Variants in KATNAL2 observed in about 807,000 individuals in gnomAD.
The protein encoded by KATNAL2 is katanin p60 ATPase-containing subunit A-like 2.
In KATNAL2, 52 loss-of-function variants were observed where a neutral mutation model predicts 76.3. The ratio of observed to expected loss-of-function variants is 0.68; its 90% CI spans 0.55 to 0.86. The LOEUF is 0.86. Ranked by LOEUF, KATNAL2 falls within the 40% of genes least tolerant of loss-of-function variation. KATNAL2 has a pLI of 0.00. For missense variants in KATNAL2, 660 were observed against 668.9 expected, an observed-to-expected ratio of 0.99 and a Z score of 0.15; for synonymous variants, 243 against 244.2, an observed-to-expected ratio of 1.00 and a Z score of 0.05.
chr18:47,032,801 G>C (rs2060536392), intron 3 of KATNAL2: 1 of 893,442 alleles, frequency 1.1e-6, no homozygotes, highest in Non-Finnish European at 1.7e-6. Context: ...GAATTCTGAG[G>C]TGTTCTCCAA....
chr18:47,093,781 A>G lies in KATNAL2; in HGVS notation c.1212-5462A>G, dbSNP rs1339687660. 2.0e-5 allele frequency among the ~76,000 whole-genome samples: 3 copies of G among 152,176 alleles called. No homozygotes were observed. The East Asian group carries it at 5.8e-4, about 29-fold the overall frequency. On this transcript the variant is annotated intron_variant, in intron 15 of 17. Transcript: ENST00000683218. ...CTACCTTGGCCTCCTAATGCACTGAATTACAGGCATAGGCCACCATGCCTG... is the reference window on the plus strand; with the variant it reads ...CTACCTTGGCCTCCTAATGCACTGAGTTACAGGCATAGGCCACCATGCCTG...
chr18:47,058,300 C>A lies in KATNAL2; in HGVS notation c.398C>A (p.Thr133Lys), dbSNP rs959755382. 6.2e-7 allele frequency: 1 copy of A among 1,614,070 alleles called. No homozygotes were observed. The highest frequency in any genetic ancestry group is 8.5e-7 in the Non-Finnish European group (1 of 1,179,926). Reference sequence around the variant, plus strand: ...CAGCAGAGGCCCCGGTCCAAAACCACAGCGGGGAAGACAGGGGACACCAAA... The same window carrying A: ...CAGCAGAGGCCCCGGTCCAAAACCAAAGCGGGGAAGACAGGGGACACCAAA... ...INQQRPRSKT[T>K]AGKTGDTKSL... The change falls in exon 7 of 18, where the codon ACA (threonine) becomes AAA (lysine). Residue 133 changes from threonine to lysine, a missense_variant. Transcript: ENST00000683218.
At chr18:47,053,292 C>T (rs1458517040) in intron 5 of KATNAL2, among the ~76,000 whole-genome samples, 1 of 152,190 alleles carries the variant, frequency 6.6e-6, no homozygotes, top group East Asian at 1.9e-4. Flanking sequence ...AGCAAAACCC[C>T]AGTGTATCAT....
intron 4 of KATNAL2, among the ~76,000 whole-genome samples, chr18:47,048,964 A>G (rs1424326831): frequency 6.7e-6 from 1 of 149,398 alleles, no homozygotes; most frequent in Non-Finnish European, 1.5e-5. Context: ...CCTCCCGAGT[A>G]GCTGGGACTA....
chr18:46,921,160 C>T (rs1010239099), intron 1 of KATNAL2, among the ~76,000 whole-genome samples: 5 of 152,172 alleles, frequency 3.3e-5, no homozygotes, highest in African/African-American at 1.2e-4. Flanking sequence ...CGGAGTCTCG[C>T]TCTGTTGCCC....
rs577273079 is a variant in KATNAL2, at chr18:46,948,864, A to C, written c.51+1941A>C. ...GATCAACTGATTACTTGACATATCTACTGGGGTGTTGCAAGTATCTGCATT... is the reference window on the plus strand; with the variant it reads ...GATCAACTGATTACTTGACATATCTCCTGGGGTGTTGCAAGTATCTGCATT... On this transcript the variant is annotated intron_variant, in intron 3 of 17. Coordinates refer to ENST00000683218, the MANE Select transcript of KATNAL2 (RefSeq NM_001387690.1). Among the ~76,000 whole-genome samples, 13 of 150,826 alleles carry C rather than the reference A, an allele frequency of 8.6e-5. No individual in the cohort carries two copies. In the South Asian group the frequency reaches 2.5e-3, roughly 29 times the overall value.
intron 1 of KATNAL2, among the ~76,000 whole-genome samples, chr18:46,945,009 T>C (rs1019607664): frequency 6.6e-6 from 1 of 152,164 alleles, no homozygotes; most frequent in African/African-American, 2.4e-5. Context: ...CACATAAGGA[T>C]CCCCAACTTT....
intron 13 of KATNAL2, among the ~76,000 whole-genome samples, chr18:47,070,704 T>C (rs1046246157): frequency 6.6e-6 from 1 of 152,238 alleles, no homozygotes; most frequent in African/African-American, 2.4e-5. Flanking sequence ...GATGGCCTAT[T>C]TGGAAGTCAT....
intron 14 of KATNAL2, 104 bp downstream of exon 14, chr18:47,075,472 T>C: frequency 1.3e-6 from 1 of 787,254 alleles, no homozygotes; most frequent in South Asian, 4.5e-5. Flanking sequence ...ACTAGCAGAA[T>C]GAGCCCATTA....
At chr18:47,095,086 C>A (rs1254079913) in intron 15 of KATNAL2, among the ~76,000 whole-genome samples, 2 of 152,132 alleles carry the variant, frequency 1.3e-5, no homozygotes, top group Non-Finnish European at 2.9e-5. Flanking sequence ...TACTAAGTTT[C>A]TTTTACTCAT....
intron 3 of KATNAL2, chr18:47,034,148 C>T (rs760844696): frequency 4.3e-6 from 7 of 1,614,206 alleles, no homozygotes; most frequent in Non-Finnish European, 5.9e-6. Context: ...AATTCCTCAG[C>T]CATATCTACC....
intron 6 of KATNAL2, among the ~76,000 whole-genome samples, chr18:47,057,837 G>A (rs1244188816): frequency 1.3e-5 from 2 of 152,182 alleles, no homozygotes; most frequent in African/African-American, 2.4e-5. Context: ...TAGTTTGAAT[G>A]GGAGGACTCC....
chr18:46,918,088 G>C (rs1279949170), intron 1 of KATNAL2, 162 bp downstream of exon 1: 1 of 152,012 alleles, frequency 6.6e-6, no homozygotes, highest in Non-Finnish European at 1.5e-5. Flanking sequence ...TGGGGGCGGG[G>C]AGAAGTGAAA....
intron 2 of KATNAL2, 119 bp from the exon 3 acceptor site, chr18:46,946,735 A>T: frequency 8.9e-7 from 1 of 1,129,156 alleles, no homozygotes; most frequent in South Asian, 1.4e-5. Flanking sequence ...TTCTGTGGCC[A>T]GCGATTGGCG....
intron 3 of KATNAL2, among the ~76,000 whole-genome samples, chr18:46,949,411 C>T (rs1246977450): frequency 1.3e-5 from 2 of 152,138 alleles, no homozygotes; most frequent in Non-Finnish European, 1.5e-5. Context: ...TACCATCACA[C>T]GTGGTTAAAT....
intron 15 of KATNAL2, among the ~76,000 whole-genome samples, chr18:47,082,603 T>C (rs2062581528): frequency 6.6e-6 from 1 of 152,226 alleles, no homozygotes; most frequent in Non-Finnish European, 1.5e-5. Flanking sequence ...CAAATAAGTA[T>C]ATAAAGTTCT....
At chr18:47,061,370 G>A (rs1274085474) in intron 8 of KATNAL2, among the ~76,000 whole-genome samples, 1 of 152,166 alleles carries the variant, frequency 6.6e-6, no homozygotes, top group African/African-American at 2.4e-5. Context: ...AACAAGAAGG[G>A]AGGGAGATGA....
chr18:47,031,877 C>T (rs1438209351), intron 3 of KATNAL2, among the ~76,000 whole-genome samples: 1 of 152,134 alleles, frequency 6.6e-6, no homozygotes, highest in Non-Finnish European at 1.5e-5. Context: ...TGTCTCCATC[C>T]TGGCTTTTTT....
chr18:47,062,805 A>G (rs2061676254), intron 8 of KATNAL2, among the ~76,000 whole-genome samples, 167 bp from the exon 9 acceptor site: 2 of 152,246 alleles, frequency 1.3e-5, no homozygotes, highest in South Asian at 4.1e-4. Flanking sequence ...CTCCAACTTG[A>G]GGAAATCATC....
Sources: allele counts gnomAD v4.1 joint callset (sites outside exome capture counted in the v4.1 genomes callset), GRCh38; gene constraint gnomAD v4.1.1; transcripts MANE v1.5; gene names NCBI Gene and HGNC (gene_info 2026-07-23, HGNC 2026-07-21).